Variants in TMEM181 observed in about 807,000 individuals in gnomAD.
TMEM181 encodes G protein-coupled receptor 178.
In TMEM181, 39 loss-of-function variants were observed where a neutral mutation model predicts 71.9. The observed-to-expected ratio is 0.54, with a 90% CI of 0.42 to 0.71. The LOEUF (loss-of-function observed/expected upper bound fraction) is 0.71. Ranked by LOEUF, TMEM181 falls within the 30% of genes least tolerant of loss-of-function variation. The pLI, the probability that TMEM181 is intolerant of heterozygous loss-of-function variation, is 0.00. For synonymous variants in TMEM181, 245 were observed against 228.8 expected, an observed-to-expected ratio of 1.07 and a Z score of -0.64; for missense variants, 595 against 583.0, an observed-to-expected ratio of 1.02 and a Z score of -0.21.
intron 6 of TMEM181, among the ~76,000 whole-genome samples, chr6:158,600,593 C>T (rs1395912799): frequency 4.6e-5 from 7 of 151,406 alleles, no homozygotes; most frequent in African/African-American, 1.7e-4. Flanking sequence ...GCCTCAGCCT[C>T]CCAAGTAGCT....
intron 1 of TMEM181, chr6:158,536,997 C>A: frequency 3.2e-6 from 1 of 309,910 alleles, no homozygotes; most frequent in East Asian, 1.8e-4. Flanking sequence ...GCGGAGCCTA[C>A]GGATGGGGAC....
At chr6:158,593,844 C>T (rs943082164) in intron 6 of TMEM181, among the ~76,000 whole-genome samples, 1 of 152,106 alleles carries the variant, frequency 6.6e-6, no homozygotes, top group African/African-American at 2.4e-5. Flanking sequence ...TGCACAGCCT[C>T]CCCCATTGTC....
intron 15 of TMEM181, 82 bp from the exon 16 acceptor site, chr6:158,631,237 CCCTT>C: frequency 1.4e-6 from 2 of 1,397,364 alleles, no homozygotes; most frequent in Non-Finnish European, 2.0e-6. Context: ...CTTTCCAACT[CCCTT>C]CCTTTGTCCG....
chr6:158,617,471 A>C (rs540733523), intron 10 of TMEM181, among the ~76,000 whole-genome samples: 1 of 147,712 alleles, frequency 6.8e-6, no homozygotes, highest in Non-Finnish European at 1.5e-5. Flanking sequence ...TTGTGTCTCT[A>C]TCTCCTTCAG....
At chr6:158,559,879 A>T (rs1332225207), upstream of TMEM181, among the ~76,000 whole-genome samples, 5 of 152,220 alleles carry the variant, frequency 3.3e-5, no homozygotes, top group African/African-American at 1.2e-4. Flanking sequence ...CAAGAGGTAA[A>T]CTAAGTCATT....
chr6:158,630,737 T>TA (rs1786612992), intron 15 of TMEM181, among the ~76,000 whole-genome samples: 1 of 136,122 alleles, frequency 7.3e-6, no homozygotes, highest in Non-Finnish European at 1.6e-5. Context: ...AGCCAAAACA[T>TA]ACAAAAAGTC....
chr6:158,574,158 C>T (rs1456142367), intron 2 of TMEM181, among the ~76,000 whole-genome samples: 1 of 152,114 alleles, frequency 6.6e-6, no homozygotes, highest in Non-Finnish European at 1.5e-5. Context: ...ATATCTTTTT[C>T]CATAAGGGTG....
At chr6:158,596,991 G>C (rs1227298222) in intron 6 of TMEM181, among the ~76,000 whole-genome samples, 2 of 152,130 alleles carry the variant, frequency 1.3e-5, no homozygotes, top group Non-Finnish European at 2.9e-5. Context: ...AATGTACTGA[G>C]AGAAAATTGT....
intron 10 of TMEM181, among the ~76,000 whole-genome samples, chr6:158,618,282 C>T (rs1785734581): frequency 2.0e-5 from 3 of 151,850 alleles, no homozygotes; most frequent in Admixed American, 2.0e-4. Context: ...TTTGTTTTAT[C>T]AGAGACTAGG....
rs1356476863 is a variant in TMEM181, at chr6:158,591,830, T to C, written c.492+2048T>C. 2.0e-5 allele frequency among the ~76,000 whole-genome samples: 3 copies of C among 152,130 alleles called. 1 individual carries two copies. In the East Asian group the frequency reaches 5.8e-4, roughly 29 times the overall value. ...ATGGGTGTGGGCCGCTGTTTTGTCT[T>C]TATGGTTTTTGTCCTTCCATCTTTT... On this transcript the variant is annotated intron_variant, in intron 6 of 16. Coordinates refer to ENST00000684151, the MANE Select transcript of TMEM181 (RefSeq NM_001376852.1).
intron 10 of TMEM181, among the ~76,000 whole-genome samples, chr6:158,622,895 T>G (rs9456333): frequency 0.11 from 16,769 of 152,294 alleles, 1,123 homozygotes; most frequent in Middle Eastern, 0.19. Flanking sequence ...GTCCACACAC[T>G]TTCAAGCCCT....
chr6:158,560,090 T>C (rs557876459), upstream of TMEM181: 127 of 985,000 alleles, frequency 1.3e-4, no homozygotes, highest in Middle Eastern at 2.1e-3. Flanking sequence ...CGCGCTCTGA[T>C]GAGTTTTCCG....
At chr6:158,558,970 A>AGG, upstream of TMEM181, among the ~76,000 whole-genome samples, 1 of 152,142 alleles carries the variant, frequency 6.6e-6, no homozygotes, top group Non-Finnish European at 1.5e-5. Context: ...CCCTCTGCTT[A>AGG]TGTATGAAAA....
chr6:158,570,194 T>A (rs1006676455), intron 1 of TMEM181, among the ~76,000 whole-genome samples: 2 of 151,718 alleles, frequency 1.3e-5, no homozygotes, highest in African/African-American at 4.8e-5. Context: ...ACTTGAGCTT[T>A]ACAGCAGAGG....
intron 15 of TMEM181, 129 bp downstream of exon 15, chr6:158,629,948 G>GA (rs1471716817): frequency 6.4e-6 from 5 of 777,100 alleles, no homozygotes; most frequent in Non-Finnish European, 1.1e-5. Flanking sequence ...TCTTGGCAGA[G>GA]AGAGAGTGAG....
chr6:158,610,700 T>G lies in TMEM181; in HGVS notation c.896+1950T>G, dbSNP rs911317950. 5 of 288,274 alleles carry G rather than the reference T, an allele frequency of 1.7e-5. No individual in the cohort carries two copies. The East Asian group carries it at 3.5e-4, about 20-fold the overall frequency. 17.9% of individuals were successfully genotyped at this position (288,274 alleles called of 1,614,324 possible). A position where few individuals can be genotyped will look rare whatever the true frequency, so the allele number is the denominator to read the frequency against. ...GGCCTCCACATCTCTGGAGACGTTA[T>G]GGGCGCTCACTGCAGAGTTGGGGGA... On this transcript the variant is annotated intron_variant, in intron 10 of 16. Transcript: ENST00000684151.
At chr6:158,602,516 T>A (rs1377512968) in intron 6 of TMEM181, among the ~76,000 whole-genome samples, 2 of 152,236 alleles carry the variant, frequency 1.3e-5, no homozygotes, top group Admixed American at 6.5e-5. Context: ...TTACTTCATA[T>A]CCCGTCAATG....
chr6:158,552,705 A>C (rs1781756492), intron 1 of TMEM181, among the ~76,000 whole-genome samples: 1 of 152,236 alleles, frequency 6.6e-6, no homozygotes, highest in South Asian at 2.1e-4. Flanking sequence ...AAAGAGCTGT[A>C]GGCAGTTATG....
At chr6:158,627,592 C>T (rs750906059) in intron 13 of TMEM181, among the ~76,000 whole-genome samples, 2 of 145,372 alleles carry the variant, frequency 1.4e-5, no homozygotes, top group Non-Finnish European at 1.5e-5. Flanking sequence ...GGGTGGCTGC[C>T]CCAGGCCGCA....
Sources: gnomAD v4.1 joint callset for allele counts (sites outside exome capture counted in the v4.1 genomes callset) on GRCh38, gnomAD v4.1.1 for gene constraint, MANE v1.5 for transcripts, NCBI Gene and HGNC (gene_info 2026-07-23, HGNC 2026-07-21) for gene names.